Variants in TTF2 observed in about 807,000 individuals in gnomAD.
The protein encoded by TTF2 is RNA polymerase II termination factor.
A neutral mutation model predicts 142.4 loss-of-function variants in TTF2; 108 were observed. The ratio of observed to expected loss-of-function variants is 0.76; its 90% CI spans 0.65 to 0.89. TTF2 has a LOEUF of 0.89. Ranked by LOEUF, TTF2 falls within the 40% of genes least tolerant of loss-of-function variation. The pLI, the probability that TTF2 is intolerant of heterozygous loss-of-function variation, is 0.00. For missense variants in TTF2, 1,327 were observed against 1,379.8 expected, an observed-to-expected ratio of 0.96 and a Z score of 0.61; for synonymous variants, 483 against 506.2, an observed-to-expected ratio of 0.95 and a Z score of 0.61.
Position 117,060,503 on chromosome 1 carries a change from G to A in TTF2, c.77G>A (p.Gly26Glu), listed in dbSNP as rs563259624. 3 of 1,614,124 alleles carry A rather than the reference G, an allele frequency of 1.9e-6. No individual in the cohort carries two copies. The highest frequency in any genetic ancestry group is 4.5e-5 in the East Asian group (2 of 44,888). The change falls in exon 2 of 23, where the codon GGA (glycine) becomes GAA (glutamate). Residue 26 changes from glycine to glutamate, a missense_variant. Coordinates refer to ENST00000369466, the MANE Select transcript of TTF2 (RefSeq NM_003594.4). ...KTGVRDGPNK[G>E]KSFYVCRADT... ...GGCGTCCGCGATGGCCCGAATAAAG[G>A]AAAGAGCTTCTACGTGTGCCGGGCA... is the stretch of plus-strand genomic sequence containing the variant.
intron 11 of TTF2, 115 bp downstream of exon 11, chr1:117,084,283 C>A: frequency 7.6e-7 from 1 of 1,319,262 alleles, no homozygotes; most frequent in Non-Finnish European, 1.0e-6. Context: ...TTGTGAAAGC[C>A]AAAGACAGAT....
chr1:117,090,385 G>A lies in TTF2; in HGVS notation c.2497-147G>A, dbSNP rs1288108059. 4 of 1,103,000 alleles carry A rather than the reference G, an allele frequency of 3.6e-6. No individual in the cohort carries two copies. The highest frequency in any genetic ancestry group is 1.3e-6 in the Non-Finnish European group (1 of 765,010). The allele number at this position is 1,103,000 out of a possible 1,614,324, so 68.3% of individuals were successfully genotyped here. A position where few individuals can be genotyped will look rare whatever the true frequency, so the allele number is the denominator to read the frequency against. ...AGTGTCATAGCAATCCAGTTGTACTGTATGTTGGAGCAGTCCTGTGTCTAA... is the reference window on the plus strand; with the variant it reads ...AGTGTCATAGCAATCCAGTTGTACTATATGTTGGAGCAGTCCTGTGTCTAA... On this transcript the variant is annotated intron_variant, in intron 14 of 22. Transcript: ENST00000369466. The surrounding 1 kb of genome is among the most constrained non-coding windows in gnomAD (Gnocchi z 4.8).
At position 117,101,498 on chromosome 1, in the gene TTF2, G is replaced by A. The variant is rs34236116; in HGVS notation, c.3463G>A (p.Asp1155Asn). The A allele has an allele frequency of 1.9e-6, 3 of 1,599,308 alleles. No individual in the cohort carries two copies. Among genetic ancestry groups the A allele is most frequent in the Admixed American group, 1.8e-5 (1 of 55,130 alleles). Reference protein sequence around the residue: ...GESVTKLTLADLRVLFGI With the variant: ...GESVTKLTLANLRVLFGI ...ATCTGTCACCAAGCTCACCTTGGCT[G>A]ACCTCAGAGTCCTTTTTGGCATCTA... The change falls in exon 23 of 23, where the codon GAC becomes AAC. Residue 1155 changes from aspartate to asparagine, a missense_variant. Transcript: ENST00000369466. The surrounding 1 kb of genome is among the most constrained non-coding windows in gnomAD (Gnocchi z 5.9).
At position 117,090,511 on chromosome 1, in the gene TTF2, C is replaced by G. The variant is rs78119309; in HGVS notation, c.2497-21C>G. 78 of 1,297,850 alleles carry G rather than the reference C, an allele frequency of 6.0e-5. No individual in the cohort carries two copies. Among genetic ancestry groups the G allele is most frequent in the Non-Finnish European group, 8.0e-5 (76 of 945,340 alleles). The allele number at this position is 1,297,850 out of a possible 1,614,324, so 80.4% of individuals were successfully genotyped here. ...GTTAATTTGTATAGCTTCATGCCAG[C>G]TTTTTTTTTTATTCTTCCAGGTGAT... On this transcript the variant is annotated intron_variant, in intron 14 of 22. Coordinates refer to ENST00000369466, the MANE Select transcript of TTF2 (RefSeq NM_003594.4). The surrounding 1 kb of genome is among the most constrained non-coding windows in gnomAD (Gnocchi z 4.8).
In TTF2 at chr1:117,092,928, CGA is replaced by C; in HGVS notation, c.2976+32_2976+33del. 6.2e-7 allele frequency: 1 copy of C among 1,611,168 alleles called. No individual in the cohort carries two copies. Among genetic ancestry groups the C allele is most frequent in the Non-Finnish European group, 8.5e-7 (1 of 1,178,440 alleles). ...TACTTTTTGTCTCCTCTGTAGTAGT[CGA>C]GAGACTTCGATTCCTCACACATTTT... On this transcript the variant is annotated intron_variant, in intron 18 of 22. Transcript: ENST00000369466. This position sits in a 1 kb window ranked among gnomAD's most constrained non-coding sequence, Gnocchi z 4.4.
Position 117,075,016 on chromosome 1 carries a change from T to C in TTF2, c.432T>C (p.Gly144=). The change falls in exon 5 of 23, where the codon GGT becomes GGC. Residue 144 remains glycine, a synonymous_variant. Coordinates refer to ENST00000369466, the MANE Select transcript of TTF2 (RefSeq NM_003594.4). The surrounding 1 kb of genome is among the most constrained non-coding windows in gnomAD (Gnocchi z 4.5). ...EPALWKQLIK[G]EGEEKKADKK... ...CTCTCTGGAAACAGCTCATCAAAGG[T>C]GAAGGTGAGGAAAAGAAGGCTGATA... is the stretch of plus-strand genomic sequence containing the variant. 6.2e-7 allele frequency: 1 copy of C among 1,613,066 alleles called. No homozygotes were observed. Among genetic ancestry groups the C allele is most frequent in the Non-Finnish European group, 8.5e-7 (1 of 1,179,834 alleles).
At chr1:117,074,769 C>A in intron 4 of TTF2, 101 bp from the exon 5 acceptor site, 2 of 1,111,500 alleles carry the variant, frequency 1.8e-6, no homozygotes, top group South Asian at 3.6e-5. Flanking sequence ...TGCATATGTA[C>A]CCCCTGTATA....
chr1:117,097,585 C>T lies in TTF2; in HGVS notation c.3269+152C>T, dbSNP rs1649263909. The T allele has an allele frequency of 1.3e-6, 1 of 747,192 alleles. No individual in the cohort carries two copies. Among genetic ancestry groups the T allele is most frequent in the Non-Finnish European group, 2.3e-6 (1 of 430,068 alleles). 46.3% of individuals were successfully genotyped at this position (747,192 alleles called of 1,614,324 possible). A position where few individuals can be genotyped will look rare whatever the true frequency, so the allele number is the denominator to read the frequency against. On this transcript the variant is annotated intron_variant, in intron 21 of 22. Coordinates refer to ENST00000369466, the MANE Select transcript of TTF2 (RefSeq NM_003594.4). This position sits in a 1 kb window ranked among gnomAD's most constrained non-coding sequence, Gnocchi z 4.1. ...ATGTGTCTATAGATACAGATCTAAGCAGGGTATAGGGCTAGCTGACTCCCC... is the reference window on the plus strand; with the variant it reads ...ATGTGTCTATAGATACAGATCTAAGTAGGGTATAGGGCTAGCTGACTCCCC...
Position 117,095,362 on chromosome 1 carries a change from A to G in TTF2, c.3030A>G (p.Gln1010=), listed in dbSNP as rs777386220. The change falls in exon 19 of 23, where the codon CAA becomes CAG. Residue 1010 remains glutamine (Q), a synonymous_variant. Transcript: ENST00000369466. ...LEAIQRNSAS[Q]KSVIVSQWTN... ...CAATTCAAAGAAATTCAGCATCCCA[A>G]AAGAGGTAACTGCGTTTTCTCATTA... The G allele has an allele frequency of 1.9e-6, 3 of 1,614,168 alleles. No individual in the cohort carries two copies. In the East Asian group the frequency reaches 6.7e-5, roughly 36 times the overall value.
rs1649686081 is a variant in TTF2 at position 117,102,796 on chromosome 1, C to T, written c.*1272C>T. 1 of 151,170 alleles carries T rather than the reference C, an allele frequency of 6.6e-6. No individual in the cohort carries two copies. The highest frequency in any genetic ancestry group is 1.5e-5 in the Non-Finnish European group (1 of 68,014). The allele number at this position is 151,170 out of a possible 1,614,324, so 9.4% of individuals were successfully genotyped here. A position where few individuals can be genotyped will look rare whatever the true frequency, so the allele number is the denominator to read the frequency against. On this transcript the variant is annotated 3_prime_UTR_variant, in exon 23 of 23. Transcript: ENST00000369466. The stretch of plus-strand genomic sequence containing the variant: ...TCCAATACTAATAATACTATTGGTA[C>T]AATCCAATACTAATAATACTAACAG...
rs1311792033 is a variant in TTF2 at position 117,103,207 on chromosome 1, T to A, written c.*1683T>A. On this transcript the variant is annotated 3_prime_UTR_variant, in exon 23 of 23. Coordinates refer to ENST00000369466, the MANE Select transcript of TTF2 (RefSeq NM_003594.4). Reference sequence around the variant, plus strand: ...GCCTCAGTCCCAGGATGGCTCCCCATGTACACTTCCCTCCTCGCCCCAGCT... The same window carrying A: ...GCCTCAGTCCCAGGATGGCTCCCCAAGTACACTTCCCTCCTCGCCCCAGCT... 6.6e-6 allele frequency: 1 copy of A among 152,150 alleles called. No homozygotes were observed. 9.4% of individuals were successfully genotyped at this position (152,150 alleles called of 1,614,324 possible).
In TTF2 at chr1:117,090,134, C is replaced by T. The variant is rs746529931; in HGVS notation, c.2422C>T (p.Arg808Trp). ...CAATGGCTCAAAGAAAGGAGGAGAA[C>T]GGTTAAGTATTTTAACCAAGAGCCT... The part of the protein sequence containing the change: ...VDNGSKKGGE[R>W]LSILTKSLLL... Residue 808 changes from arginine to tryptophan, a missense_variant, in exon 14 of 23, where the codon CGG becomes TGG. By Grantham distance (101) the Arg-to-Trp change is moderately radical. Coordinates refer to ENST00000369466, the MANE Select transcript of TTF2 (RefSeq NM_003594.4). This position sits in a 1 kb window ranked among gnomAD's most constrained non-coding sequence, Gnocchi z 4.8. The T allele has an allele frequency of 1.4e-5, 22 of 1,614,050 alleles. No individual in the cohort carries two copies. Among genetic ancestry groups the T allele is most frequent in the Middle Eastern group, 1.7e-4 (1 of 6,058 alleles).
rs1284994401 is a variant in TTF2 at position 117,063,506 on chromosome 1, T to G, written c.218+1033T>G. Among the ~76,000 whole-genome samples, 1 of 152,238 alleles carries G rather than the reference T, an allele frequency of 6.6e-6. No homozygotes were observed. The highest frequency in any genetic ancestry group is 1.5e-5 in the Non-Finnish European group (1 of 68,036). ...AAATGAAATCCTACTGCATGTACTC[T>G]TCTGTGTCTGACTTCTTTTACTTAA... On this transcript the variant is annotated intron_variant, in intron 3 of 22. Coordinates refer to ENST00000369466, the MANE Select transcript of TTF2 (RefSeq NM_003594.4). The surrounding 1 kb of genome is among the most constrained non-coding windows in gnomAD (Gnocchi z 4.1).
intron 7 of TTF2, among the ~76,000 whole-genome samples, chr1:117,077,712 G>T (rs999313882): frequency 1.0e-4 from 15 of 150,334 alleles, no homozygotes; most frequent in African/African-American, 3.5e-4. Context: ...TAGGAGCTTG[G>T]AGATTGGGTT....
rs1224111853 is a variant in TTF2, at chr1:117,106,697, C to G, written c.*5173C>G. On this transcript the variant is annotated 3_prime_UTR_variant, in exon 23 of 23. Coordinates refer to ENST00000369466, the MANE Select transcript of TTF2 (RefSeq NM_003594.4). ...AGGATTTGACCTAGTTAGGGAAGAT[C>G]TGAGGAAGTGATGAAAGAATGGAAA... 7.9e-5 allele frequency: 12 copies of G among 152,166 alleles called. No homozygotes were observed. The highest frequency in any genetic ancestry group is 7.9e-4 in the Admixed American group (12 of 15,270). The allele number at this position is 152,166 out of a possible 1,614,324, so 9.4% of individuals were successfully genotyped here. A position where few individuals can be genotyped will look rare whatever the true frequency, so the allele number is the denominator to read the frequency against.
rs895904614 is a variant in TTF2, at chr1:117,105,737, G to C, written c.*4213G>C. On this transcript the variant is annotated 3_prime_UTR_variant, in exon 23 of 23. Coordinates refer to ENST00000369466, the MANE Select transcript of TTF2 (RefSeq NM_003594.4). The surrounding 1 kb of genome is among the most constrained non-coding windows in gnomAD (Gnocchi z 4.7). ...TGATTCTTTCTAGCAGAAATTAGCA[G>C]AGTAAGTGTTTTTGGAACAATTGCT... The C allele has an allele frequency of 6.6e-6, 1 of 152,032 alleles. No homozygotes were observed. Among genetic ancestry groups the C allele is most frequent in the Non-Finnish European group, 1.5e-5 (1 of 68,006 alleles). 9.4% of individuals were successfully genotyped at this position (152,032 alleles called of 1,614,324 possible).
rs370159572 is a variant in TTF2 at position 117,062,590 on chromosome 1, AT to A, written c.218+120del. On this transcript the variant is annotated intron_variant, in intron 3 of 22. Transcript: ENST00000369466. ...TTTAAAAGTCATTTTAAAAAACAAA[AT>A]TTGTATATGTATTAAGTGTCTTTTG... 723 of 884,334 alleles carry A rather than the reference AT, an allele frequency of 8.2e-4. 5 individuals are homozygous for A. The African/African-American group carries it at 0.012, about 14-fold the overall frequency. The allele number at this position is 884,334 out of a possible 1,614,324, so 54.8% of individuals were successfully genotyped here. A position where few individuals can be genotyped will look rare whatever the true frequency, so the allele number is the denominator to read the frequency against.
chr1:117,072,741 T>A (rs953764715), intron 3 of TTF2, among the ~76,000 whole-genome samples: 2 of 152,252 alleles, frequency 1.3e-5, no homozygotes, highest in South Asian at 2.1e-4. Flanking sequence ...AACTATTTTT[T>A]AAAAAATATT....
Position 117,091,867 on chromosome 1 carries a change from T to C in TTF2, c.2722T>C (p.Ser908Pro). ...EEPRHSEAAD[S>P]PRSSTVHILS... ...GCCTAGACACTCGGAGGCAGCAGACTCACCGAGATCCAGCACCGTCCACAT... is the reference window on the plus strand; with the variant it reads ...GCCTAGACACTCGGAGGCAGCAGACCCACCGAGATCCAGCACCGTCCACAT... The change falls in exon 17 of 23, where the codon TCA becomes CCA. Residue 908 changes from serine (S) to proline (P), a missense_variant. Physicochemically the swap from Ser to Pro is moderately conservative, Grantham distance 74 (BLOSUM62 -1). Transcript: ENST00000369466. The C allele has an allele frequency of 6.2e-7, 1 of 1,611,462 alleles. No individual in the cohort carries two copies.
Sources: gnomAD v4.1 joint callset for allele counts (sites outside exome capture counted in the v4.1 genomes callset) on GRCh38, gnomAD v4.1.1 for gene constraint, Gnocchi (gnomAD v3.1) non-coding constraint, MANE v1.5 for transcripts, NCBI Gene and HGNC (gene_info 2026-07-23, HGNC 2026-07-21) for gene names.